The following TANGO6 variants were observed in gnomAD, a reference collection of about 807,000 sequenced individuals.
TANGO6 encodes transport and Golgi organization protein 6 homolog.
TANGO6 carries 90 observed loss-of-function variants against 114.2 expected under a neutral mutation model. That is an observed-to-expected ratio of 0.79 (90% CI 0.66 to 0.94). The LOEUF (loss-of-function observed/expected upper bound fraction) is 0.94, where lower values mean the gene tolerates loss of function less well. Among genes scored for constraint, TANGO6 ranks in the 40% least tolerant of loss-of-function variants. TANGO6 has a pLI of 0.00. For synonymous variants in TANGO6, 477 were observed against 509.8 expected (o/e 0.94, Z 0.87); for missense variants, 1,274 against 1,315.3 (o/e 0.97, Z 0.49).
At chr16:69,069,188 C>T (rs1164620451) in intron 17 of TANGO6, among the ~76,000 whole-genome samples, 1 of 152,210 alleles carries the variant, frequency 6.6e-6, no homozygotes, top group Non-Finnish European at 1.5e-5. Flanking sequence ...TTGCCTGCCT[C>T]CTGACCATTA....
chr16:69,005,105 TG>T (rs1567557038), intron 15 of TANGO6, among the ~76,000 whole-genome samples: 1 of 152,124 alleles, frequency 6.6e-6, no homozygotes, highest in Non-Finnish European at 1.5e-5. Context: ...CCCAAAGGCA[TG>T]AGACCTAACA....
chr16:68,975,006 A>C (rs975381010), intron 15 of TANGO6, among the ~76,000 whole-genome samples: 4 of 151,730 alleles, frequency 2.6e-5, no homozygotes, highest in Non-Finnish European at 4.4e-5. Flanking sequence ...TGCAGTGAGC[A>C]ATGATTGTAC....
Position 69,021,778 on chromosome 16 carries a change from G to A in TANGO6, c.2843-1050G>A, listed in dbSNP as rs1268392312. On this transcript the variant is annotated intron_variant, in intron 15 of 17. Coordinates refer to ENST00000261778, the MANE Select transcript of TANGO6 (RefSeq NM_024562.2). ...GTCTAGCCTGGGGGCCACACTTTTT[G>A]TTTGTGTGACCATGGGCTAATTATA... Among the ~76,000 whole-genome samples the A allele has an allele frequency of 2.6e-5, 4 of 151,748 alleles. No homozygotes were observed. In the East Asian group the frequency reaches 7.7e-4, roughly 29 times the overall value.
At chr16:68,951,838 T>C (rs1214877532) in intron 14 of TANGO6, among the ~76,000 whole-genome samples, 1 of 152,140 alleles carries the variant, frequency 6.6e-6, no homozygotes, top group Non-Finnish European at 1.5e-5. Context: ...GGTCTCGATC[T>C]CCTGACCTTG....
chr16:69,020,934 G>GTGTGTGTA (rs1333052174), intron 15 of TANGO6, among the ~76,000 whole-genome samples: 8 of 149,118 alleles, frequency 5.4e-5, no homozygotes, highest in Middle Eastern at 6.8e-3. Flanking sequence ...GTGTGTGTGT[G>GTGTGTGTA]TGTGTGTGGT....
intron 2 of TANGO6, among the ~76,000 whole-genome samples, chr16:68,861,851 C>G (rs16958430): frequency 0.062 from 9,388 of 152,112 alleles, 584 homozygotes; most frequent in African/African-American, 0.15. Context: ...GAGAACTGTA[C>G]TGTTATGGCT....
intron 1 of TANGO6, among the ~76,000 whole-genome samples, chr16:68,855,285 T>C (rs1413235191): frequency 6.6e-6 from 1 of 152,112 alleles, no homozygotes; most frequent in Non-Finnish European, 1.5e-5. Context: ...AAATTTATCC[T>C]AAATTAAAGT....
intron 15 of TANGO6, among the ~76,000 whole-genome samples, chr16:69,005,243 CAAAG>C (rs1964081782): frequency 6.6e-6 from 1 of 151,688 alleles, no homozygotes; most frequent in Admixed American, 6.6e-5. Context: ...ACAAACGTGA[CAAAG>C]AAAAAAGGAT....
intron 12 of TANGO6, among the ~76,000 whole-genome samples, chr16:68,926,276 C>G (rs1963166568): frequency 6.6e-6 from 1 of 151,950 alleles, no homozygotes; most frequent in Non-Finnish European, 1.5e-5. Flanking sequence ...GGCGGATCAC[C>G]TGAGGTCCGG....
At chr16:68,857,633 C>T (rs1962019141) in intron 1 of TANGO6, among the ~76,000 whole-genome samples, 1 of 152,126 alleles carries the variant, frequency 6.6e-6, no homozygotes, top group Non-Finnish European at 1.5e-5. Context: ...TGCATTCCCA[C>T]CAGCAATGAA....
chr16:69,075,563 C>G (rs1236687875), intron 17 of TANGO6, among the ~76,000 whole-genome samples: 7 of 151,682 alleles, frequency 4.6e-5, no homozygotes, highest in Non-Finnish European at 8.8e-5. Context: ...AAGCAATCCC[C>G]TCACCTCAGC....
At chr16:68,933,272 A>G (rs1963265578) in intron 14 of TANGO6, among the ~76,000 whole-genome samples, 1 of 152,142 alleles carries the variant, frequency 6.6e-6, no homozygotes, top group African/African-American at 2.4e-5. Flanking sequence ...AAAATTAGCC[A>G]GGCATGGTGG....
At chr16:68,966,503 CA>C (rs1226252441) in intron 14 of TANGO6, among the ~76,000 whole-genome samples, 3 of 142,984 alleles carry the variant, frequency 2.1e-5, no homozygotes, top group Non-Finnish European at 4.6e-5. Context: ...GACTCCATCT[CA>C]AAAAAAAATA....
intron 17 of TANGO6, among the ~76,000 whole-genome samples, chr16:69,060,875 C>A (rs1960104389): frequency 1.3e-5 from 2 of 151,890 alleles, no homozygotes; most frequent in African/African-American, 4.8e-5. Flanking sequence ...GCCTGTGGTC[C>A]CAGCTACTCG....
rs776249929 is a variant in TANGO6, at chr16:69,040,385, GC to G, written c.3073del (p.Leu1025CysfsTer14). ...GCAGAGCTGCCATACATGTGGTTGTGCTGCTGCTTCGGGGACTCAGCCAGAA... is the reference window on the plus strand; with the variant it reads ...GCAGAGCTGCCATACATGTGGTTGTGTGCTGCTTCGGGGACTCAGCCAGAA... ...VRRAAIHVVV[L>X]LLRGLSQKAT... On this transcript the variant is annotated frameshift_variant, in exon 17 of 18. Coordinates refer to ENST00000261778, the MANE Select transcript of TANGO6 (RefSeq NM_024562.2). LOFTEE classifies it high-confidence loss of function. The G allele has an allele frequency of 6.2e-7, 1 of 1,608,072 alleles. No homozygotes were observed. Among genetic ancestry groups the G allele is most frequent in the Non-Finnish European group, 8.5e-7 (1 of 1,177,496 alleles).
chr16:68,918,221 T>C (rs1263759476), intron 11 of TANGO6, among the ~76,000 whole-genome samples: 1 of 152,170 alleles, frequency 6.6e-6, no homozygotes, highest in Non-Finnish European at 1.5e-5. Flanking sequence ...GTTTTCTTAT[T>C]ATTGAGCTTT....
At chr16:68,987,362 CTGT>C (rs751674485) in intron 15 of TANGO6, among the ~76,000 whole-genome samples, 14 of 151,990 alleles carry the variant, frequency 9.2e-5, no homozygotes, top group Admixed American at 2.0e-4. Flanking sequence ...GTTGTTGTTG[CTGT>C]TGTTGTTGTT....
intron 4 of TANGO6, among the ~76,000 whole-genome samples, chr16:68,871,056 G>A (rs1462549803): frequency 6.6e-6 from 1 of 151,716 alleles, no homozygotes; most frequent in East Asian, 1.9e-4. Context: ...CTCCCAAAGT[G>A]CTGGGATTAC....
At position 68,979,930 on chromosome 16, in the gene TANGO6, C is replaced by T. The variant is rs375370565; in HGVS notation, c.2842+5762C>T. 1.1e-4 allele frequency among the ~76,000 whole-genome samples: 16 copies of T among 151,508 alleles called. 1 individual carries two copies. Among genetic ancestry groups the T allele is most frequent in the African/African-American group, 1.5e-4 (6 of 41,328 alleles). ...CTCAATCTCAGCTCACTTCAACGTC[C>T]GGCTGCCAGGTTCAAACAATTCTCT... On this transcript the variant is annotated intron_variant, in intron 15 of 17. Coordinates refer to ENST00000261778, the MANE Select transcript of TANGO6 (RefSeq NM_024562.2).
Sources: allele counts gnomAD v4.1 joint callset (sites outside exome capture counted in the v4.1 genomes callset), GRCh38; gene constraint gnomAD v4.1.1; transcripts MANE v1.5; gene names NCBI Gene and HGNC (gene_info 2026-07-23, HGNC 2026-07-21).